ZFAT: variants seen among roughly 807,000 people sequenced by gnomAD.
ZFAT encodes the protein zinc finger protein ZFAT.
ZFAT carries 64 observed loss-of-function variants against 117.7 expected under a neutral mutation model. The observed-to-expected ratio is 0.54, with a 90% CI of 0.44 to 0.67. ZFAT has a LOEUF of 0.67. Ranked by LOEUF, ZFAT falls within the 30% of genes least tolerant of loss-of-function variation. The probability of loss-of-function intolerance (pLI) is 0.00; values close to 1 mark genes in which losing one functional copy is unlikely to be tolerated. For synonymous variants in ZFAT, 679 were observed against 615.0 expected (o/e 1.10, Z -1.54); for missense variants, 1,433 against 1,584.5 (o/e 0.90, Z 1.62).
intron 10 of ZFAT, among the ~76,000 whole-genome samples, chr8:134,566,286 C>T (rs993704562): frequency 7.4e-5 from 11 of 147,756 alleles, no homozygotes; most frequent in African/African-American, 2.2e-4. Context: ...CCCAGCTACT[C>T]GGGAGGCTGA....
chr8:134,744,482 G>A, the ZFAT span, among the ~76,000 whole-genome samples: 2 of 151,472 alleles, frequency 1.3e-5, no homozygotes, highest in East Asian at 3.9e-4. Flanking sequence ...TTTTAGTAGA[G>A]ATGGGGTTTC....
chr8:134,756,115 A>C, the ZFAT span, among the ~76,000 whole-genome samples: 1 of 152,180 alleles, frequency 6.6e-6, no homozygotes, highest in Non-Finnish European at 1.5e-5. Context: ...GGAAGCACAG[A>C]GATAAGCAGC....
chr8:134,736,001 C>A, the ZFAT span, among the ~76,000 whole-genome samples: 1 of 152,068 alleles, frequency 6.6e-6, no homozygotes, highest in Non-Finnish European at 1.5e-5. Context: ...AAGAGTCAAG[C>A]AGGCAAGGTT....
intron 11 of ZFAT, among the ~76,000 whole-genome samples, chr8:134,562,423 C>T (rs1824121771): frequency 6.6e-6 from 1 of 152,258 alleles, no homozygotes; most frequent in East Asian, 1.9e-4. Flanking sequence ...GGGAAGACGA[C>T]AGGGAGAGAG....
At chr8:134,829,170 A>G in the ZFAT span, among the ~76,000 whole-genome samples, 1 of 152,234 alleles carries the variant, frequency 6.6e-6, no homozygotes, top group Non-Finnish European at 1.5e-5. Flanking sequence ...TGTACTCCTT[A>G]AATCAGGCTT....
chr8:134,525,371 C>T (rs916181427), intron 12 of ZFAT, among the ~76,000 whole-genome samples: 3 of 152,160 alleles, frequency 2.0e-5, no homozygotes, highest in Admixed American at 6.5e-5. Flanking sequence ...ACTTAGGCAA[C>T]GAAAGAGCTG....
rs750993267 is a variant in ZFAT, at chr8:134,478,579, G to A, written c.3635C>T (p.Thr1212Met). 7 of 1,593,792 alleles carry A rather than the reference G, an allele frequency of 4.4e-6. No homozygotes were observed. The East Asian group carries it at 6.9e-5, about 16-fold the overall frequency. The change falls in exon 16 of 16, where the codon ACG becomes ATG. Residue 1212 changes from threonine (T) to methionine (M), a missense_variant. Transcript: ENST00000377838. The surrounding 1 kb of genome is among the most constrained non-coding windows in gnomAD (Gnocchi z 5.2). ...VEGIETVTVY[T>M]QGGEASEFIV... ...GAACTCCGAGGCCTCCCCGCCCTGCGTGTAGACAGTCACCGTCTCAATGCC... is the reference window on the plus strand; with the variant it reads ...GAACTCCGAGGCCTCCCCGCCCTGCATGTAGACAGTCACCGTCTCAATGCC...
chr8:134,656,462 T>C (rs1215198897), intron 2 of ZFAT, among the ~76,000 whole-genome samples: 1 of 152,196 alleles, frequency 6.6e-6, no homozygotes, highest in African/African-American at 2.4e-5. Context: ...TGCATCTTTT[T>C]CATTTTTCAC....
At chr8:134,673,910 C>T (rs1202202736) in intron 1 of ZFAT, among the ~76,000 whole-genome samples, 1 of 152,128 alleles carries the variant, frequency 6.6e-6, no homozygotes. Context: ...GTCAAGAGTT[C>T]GAGACCAGCC....
chr8:134,555,038 A>T (rs1823459757), intron 11 of ZFAT, among the ~76,000 whole-genome samples: 1 of 152,232 alleles, frequency 6.6e-6, no homozygotes. Context: ...GTATATAGTC[A>T]TACTCATGGC....
chr8:134,486,498 G>A (rs1205814898), intron 15 of ZFAT, among the ~76,000 whole-genome samples: 1 of 152,176 alleles, frequency 6.6e-6, no homozygotes, highest in Non-Finnish European at 1.5e-5. Context: ...ATGTCTTGGA[G>A]AACAGCCCTC....
At chr8:134,544,130 T>C (rs16905172) in intron 11 of ZFAT, among the ~76,000 whole-genome samples, 29,946 of 152,064 alleles carry the variant, frequency 0.2, 3,446 homozygotes, top group East Asian at 0.32. Flanking sequence ...AAGTTGTAAG[T>C]TCTTCTTCTC....
At chr8:134,512,766 T>C (rs1414488382) in intron 13 of ZFAT, among the ~76,000 whole-genome samples, 165 bp from the exon 14 acceptor site, 1 of 152,236 alleles carries the variant, frequency 6.6e-6, no homozygotes, top group Non-Finnish European at 1.5e-5. Flanking sequence ...CATACACTTC[T>C]CAAAGAGAAA....
At chr8:134,737,539 A>G in the ZFAT span, among the ~76,000 whole-genome samples, 21 of 152,150 alleles carry the variant, frequency 1.4e-4, no homozygotes, top group Admixed American at 1.4e-3. Context: ...GGGGAAGGTC[A>G]AAGCAAAGAG....
chr8:134,566,658 C>G (rs1209646726), intron 10 of ZFAT, among the ~76,000 whole-genome samples: 1 of 152,182 alleles, frequency 6.6e-6, no homozygotes, highest in Non-Finnish European at 1.5e-5. Flanking sequence ...TGGCTGAGTT[C>G]CCAGAAGTGC....
chr8:134,790,588 G>C, the ZFAT span, among the ~76,000 whole-genome samples: 3 of 152,108 alleles, frequency 2.0e-5, no homozygotes, highest in Non-Finnish European at 4.4e-5. Flanking sequence ...CATTCTGTTA[G>C]TTCACAACTG....
the ZFAT span, among the ~76,000 whole-genome samples, chr8:134,734,509 G>A: frequency 6.6e-6 from 1 of 152,240 alleles, no homozygotes; most frequent in South Asian, 2.1e-4. Context: ...CTGACACTGT[G>A]CACAGAGCAA....
At chr8:134,770,797 G>C in the ZFAT span, among the ~76,000 whole-genome samples, 1 of 152,312 alleles carries the variant, frequency 6.6e-6, no homozygotes, top group East Asian at 1.9e-4. Context: ...CCTGCGGGTA[G>C]GTCTCTAAAC....
the ZFAT span, among the ~76,000 whole-genome samples, chr8:134,751,680 G>A: frequency 6.6e-6 from 1 of 152,182 alleles, no homozygotes; most frequent in Non-Finnish European, 1.5e-5. Context: ...AGCACCAGGT[G>A]GGGGAATGTG....
Sources: allele counts gnomAD v4.1 joint callset (sites outside exome capture counted in the v4.1 genomes callset), GRCh38; gene constraint gnomAD v4.1.1; non-coding constraint Gnocchi (gnomAD v3.1); transcripts MANE v1.5; gene names NCBI Gene and HGNC (gene_info 2026-07-23, HGNC 2026-07-21).